The following SEMA3A variants were observed in gnomAD, a reference collection of about 807,000 sequenced individuals.
The protein encoded by SEMA3A is semaphorin-3A.
A neutral mutation model predicts 97.9 loss-of-function variants in SEMA3A; 29 were observed. The ratio of observed to expected loss-of-function variants is 0.30; its 90% CI spans 0.22 to 0.40. SEMA3A has a LOEUF of 0.40. Ranked by LOEUF, SEMA3A falls within the 10% of genes least tolerant of loss-of-function variation. SEMA3A has a pLI of 1.00. For missense variants in SEMA3A, 763 were observed against 951.3 expected (o/e 0.80, Z 2.60); for synonymous variants, 321 against 323.7 (o/e 0.99, Z 0.09).
intron 2 of SEMA3A, among the ~76,000 whole-genome samples, chr7:84,316,653 C>T (rs959725365): frequency 2.0e-5 from 3 of 152,116 alleles, no homozygotes; most frequent in Non-Finnish European, 2.9e-5. Context: ...TCCTGTGAAT[C>T]TTCTCTCCTG....
At chr7:84,163,773 G>A (rs946634220) in intron 1 of SEMA3A, among the ~76,000 whole-genome samples, 1 of 151,276 alleles carries the variant, frequency 6.6e-6, no homozygotes, top group Non-Finnish European at 1.5e-5. Context: ...TTTTCCATTG[G>A]CCAATATTTA....
At chr7:84,462,573 T>C (rs1299787072) in intron 1 of SEMA3A, among the ~76,000 whole-genome samples, 3 of 152,214 alleles carry the variant, frequency 2.0e-5, no homozygotes, top group Non-Finnish European at 4.4e-5. Context: ...ATCACATTTA[T>C]TCTTCCTCAC....
chr7:84,386,820 C>T (rs376697313), intron 1 of SEMA3A, among the ~76,000 whole-genome samples: 10 of 151,818 alleles, frequency 6.6e-5, no homozygotes, highest in African/African-American at 1.9e-4. Context: ...GCCAACATGG[C>T]GAAACCCTGT....
At chr7:84,487,666 T>G (rs553351502) in intron 1 of SEMA3A, among the ~76,000 whole-genome samples, 1 of 152,280 alleles carries the variant, frequency 6.6e-6, no homozygotes, top group African/African-American at 2.4e-5. Flanking sequence ...CTTTGACTAA[T>G]GATAGTGATA....
intron 6 of SEMA3A, among the ~76,000 whole-genome samples, chr7:84,033,795 C>G (rs554587471): frequency 1.3e-5 from 2 of 152,096 alleles, no homozygotes; most frequent in African/African-American, 4.8e-5. Context: ...ACTGGGTGGG[C>G]CCTGAGAGTC....
chr7:84,467,120 C>G (rs1392770754), intron 1 of SEMA3A, among the ~76,000 whole-genome samples: 1 of 151,862 alleles, frequency 6.6e-6, no homozygotes, highest in Non-Finnish European at 1.5e-5. Flanking sequence ...TAGCACAACC[C>G]CATAAGAGAA....
intron 3 of SEMA3A, among the ~76,000 whole-genome samples, chr7:84,252,677 TATATAGTG>T (rs1047644254): frequency 6.6e-6 from 1 of 152,220 alleles, no homozygotes. Context: ...AAGCTTCCGC[TATATAGTG>T]AAGAATAAAA....
intron 10 of SEMA3A, among the ~76,000 whole-genome samples, chr7:84,006,211 T>C (rs1035317872): frequency 4.6e-5 from 7 of 152,118 alleles, no homozygotes; most frequent in Non-Finnish European, 7.4e-5. Flanking sequence ...GGATTAGAGA[T>C]GCTCAGAATA....
chr7:84,163,740 T>A (rs1797116711), intron 1 of SEMA3A, among the ~76,000 whole-genome samples: 1 of 152,094 alleles, frequency 6.6e-6, no homozygotes, highest in Non-Finnish European at 1.5e-5. Flanking sequence ...AAATTCACGA[T>A]CCGCTTCCAA....
rs1562774686 is a variant in SEMA3A at position 84,091,226 on chromosome 7, GAAAA to G, written c.453+19240_453+19243del. On this transcript the variant is annotated intron_variant, in intron 4 of 16. Transcript: ENST00000265362. ...AAAGAAAGAAAGAAAAGAAAAGAAA[GAAAA>G]GAAAGAAGGAAGGAAGGAAAGAACG... 1.6e-3 allele frequency among the ~76,000 whole-genome samples: 101 copies of G among 61,876 alleles called. 8 individuals are homozygous for G. The highest frequency in any genetic ancestry group is 2.6e-3 in the Admixed American group (12 of 4,672). 40.6% of individuals were successfully genotyped at this position (61,876 alleles called of 152,430 possible). A position where few individuals can be genotyped will look rare whatever the true frequency, so the allele number is the denominator to read the frequency against.
At position 83,960,748 on chromosome 7, in the gene SEMA3A, T is replaced by G. The variant is rs1788431853; in HGVS notation, c.*623A>C. On this transcript the variant is annotated 3_prime_UTR_variant, in exon 17 of 17. Transcript: ENST00000265362. ...ATTATAGTTTTAATAAAATACATCT[T>G]TAGATCAAAGCTGAAAGAAGACATC... 1 of 152,618 alleles carries G rather than the reference T, an allele frequency of 6.6e-6. No homozygotes were observed. The highest frequency in any genetic ancestry group is 2.4e-5 in the African/African-American group (1 of 41,438). The allele number at this position is 152,618 out of a possible 1,614,324, so 9.5% of individuals were successfully genotyped here. A position where few individuals can be genotyped will look rare whatever the true frequency, so the allele number is the denominator to read the frequency against.
chr7:84,256,135 A>C (rs1036953924), intron 3 of SEMA3A, among the ~76,000 whole-genome samples: 1 of 152,106 alleles, frequency 6.6e-6, no homozygotes, highest in Non-Finnish European at 1.5e-5. Flanking sequence ...TAATGCAGAG[A>C]AGAATATGAA....
At chr7:84,164,009 C>G (rs1797129348) in intron 1 of SEMA3A, among the ~76,000 whole-genome samples, 1 of 152,074 alleles carries the variant, frequency 6.6e-6, no homozygotes, top group Non-Finnish European at 1.5e-5. Flanking sequence ...CCACGCCCAG[C>G]TAATTTTGTA....
At chr7:84,235,248 TTAA>T (rs1799208357) in intron 3 of SEMA3A, among the ~76,000 whole-genome samples, 1 of 152,030 alleles carries the variant, frequency 6.6e-6, no homozygotes, top group Non-Finnish European at 1.5e-5. Flanking sequence ...GCACATTATA[TTAA>T]TAATGACAAG....
chr7:84,203,895 C>T (rs1238307504), intron 3 of SEMA3A, among the ~76,000 whole-genome samples: 1 of 151,818 alleles, frequency 6.6e-6, no homozygotes, highest in African/African-American at 2.4e-5. Context: ...GGAGTGTAGG[C>T]CATGGCATTA....
intron 1 of SEMA3A, among the ~76,000 whole-genome samples, chr7:84,411,037 T>G (rs1040274824): frequency 1.3e-5 from 2 of 152,086 alleles, no homozygotes; most frequent in Non-Finnish European, 2.9e-5. Flanking sequence ...TAGGTCAGTG[T>G]ATTAGCAGAT....
chr7:84,029,121 G>C (rs1791649978), intron 6 of SEMA3A, among the ~76,000 whole-genome samples: 1 of 152,102 alleles, frequency 6.6e-6, no homozygotes, highest in Non-Finnish European at 1.5e-5. Flanking sequence ...ACCTAATTTA[G>C]ACTAAATGGA....
At chr7:84,131,204 G>C (rs1251835690) in intron 2 of SEMA3A, among the ~76,000 whole-genome samples, 3 of 151,996 alleles carry the variant, frequency 2.0e-5, no homozygotes, top group Non-Finnish European at 2.9e-5. Context: ...ATGAGGGTAA[G>C]TATAAGCCAG....
intron 5 of SEMA3A, among the ~76,000 whole-genome samples, chr7:84,051,211 A>G (rs1444453658): frequency 1.3e-5 from 2 of 150,800 alleles, no homozygotes; most frequent in African/African-American, 4.9e-5. Flanking sequence ...TTGGTTCCAT[A>G]TGAACTTTAA....
Sources: gnomAD v4.1 joint callset for allele counts (sites outside exome capture counted in the v4.1 genomes callset) on GRCh38, gnomAD v4.1.1 for gene constraint, MANE v1.5 for transcripts, NCBI Gene and HGNC (gene_info 2026-07-23, HGNC 2026-07-21) for gene names.